RBFOX1: variants seen among roughly 807,000 people sequenced by gnomAD.
RBFOX1 encodes RNA binding protein fox-1 homolog 1.
Under a neutral mutation model 57.7 loss-of-function variants are expected in RBFOX1, and 8 were observed. The observed-to-expected ratio is 0.14, with a 90% CI of 0.08 to 0.25. The LOEUF (loss-of-function observed/expected upper bound fraction) is 0.25, where lower values mean the gene tolerates loss of function less well. Among genes scored for constraint, RBFOX1 ranks in the 10% least tolerant of loss-of-function variants. RBFOX1 has a pLI of 1.00. For synonymous variants in RBFOX1, 326 were observed against 222.4 expected (o/e 1.47, Z -4.15); for missense variants, 611 against 548.5 (o/e 1.11, Z -1.14).
chr16:5,740,073 A>G (rs1047632769), intron 3 of RBFOX1, among the ~76,000 whole-genome samples: 2 of 152,130 alleles, frequency 1.3e-5, no homozygotes, highest in Non-Finnish European at 2.9e-5. Context: ...CAGAAGCCCA[A>G]CGCTTGTTGG....
At chr16:7,254,266 C>G (rs887375392) in intron 4 of RBFOX1, among the ~76,000 whole-genome samples, 2 of 152,154 alleles carry the variant, frequency 1.3e-5, no homozygotes, top group Non-Finnish European at 2.9e-5. Flanking sequence ...ATAGTATTAA[C>G]CACTCCATAA....
At chr16:6,788,734 C>T in intron 3 of RBFOX1, among the ~76,000 whole-genome samples, 1 of 148,374 alleles carries the variant, frequency 6.7e-6, no homozygotes, top group African/African-American at 2.6e-5. Flanking sequence ...CTCGGCCTCC[C>T]AGAGTGCTGG....
chr16:5,444,541 C>T (rs1293268571), intron 1 of RBFOX1, among the ~76,000 whole-genome samples: 2 of 152,158 alleles, frequency 1.3e-5, no homozygotes, highest in Non-Finnish European at 2.9e-5. Flanking sequence ...GATTGCGCCA[C>T]CGATCGGCTG....
Position 6,970,283 on chromosome 16 carries a change from C to T in RBFOX1, c.-15-81774C>T, listed in dbSNP as rs76571755. On this transcript the variant is annotated intron_variant, in intron 3 of 15. Coordinates refer to ENST00000550418, the MANE Select transcript of RBFOX1 (RefSeq NM_018723.4). ...AAGAAGGCAGGGTACTTTCAATGAC[C>T]CAACAACATCATCACCTAGACTATT... Among the ~76,000 whole-genome samples the T allele has an allele frequency of 5.8e-3, 888 of 152,132 alleles. 3 individuals are homozygous for T. Among genetic ancestry groups the T allele is most frequent in the African/African-American group, 0.02 (825 of 41,494 alleles).
intron 2 of RBFOX1, among the ~76,000 whole-genome samples, chr16:6,636,465 C>A (rs370962661): frequency 2.0e-5 from 3 of 151,932 alleles, no homozygotes; most frequent in Non-Finnish European, 4.4e-5. Flanking sequence ...CCACCGCACC[C>A]GGCTGGATTT....
chr16:6,324,092 A>C (rs1861185), intron 2 of RBFOX1, among the ~76,000 whole-genome samples: 58,212 of 151,560 alleles, frequency 0.38, 11,676 homozygotes, highest in East Asian at 0.6. Flanking sequence ...CTTTTAGCGT[A>C]ACCATCACCT....
At chr16:7,374,071 C>A (rs1417632044) in intron 4 of RBFOX1, among the ~76,000 whole-genome samples, 1 of 152,062 alleles carries the variant, frequency 6.6e-6, no homozygotes, top group African/African-American at 2.4e-5. Flanking sequence ...GCAGATAGAC[C>A]CAGATACAGC....
intron 10 of RBFOX1, among the ~76,000 whole-genome samples, chr16:7,625,015 G>A (rs967541916): frequency 3.9e-5 from 6 of 152,140 alleles, no homozygotes; most frequent in African/African-American, 1.2e-4. Flanking sequence ...GAGAAACCTT[G>A]TGTGTGGCAG....
intron 3 of RBFOX1, among the ~76,000 whole-genome samples, chr16:6,688,351 A>G (rs542846910): frequency 5.7e-4 from 87 of 152,312 alleles, no homozygotes; most frequent in South Asian, 1.5e-3. Context: ...CCCATGATTC[A>G]ATCACCTCTC....
At position 6,440,126 on chromosome 16, in the gene RBFOX1, G is replaced by A. The variant is rs150962530; in HGVS notation, c.-64+123069G>A. ...TAATTTTTGTATTTTTAGTAGAGACGGGGCTTCACCATGTTGGCCAGGCTG... is the reference window on the plus strand; with the variant it reads ...TAATTTTTGTATTTTTAGTAGAGACAGGGCTTCACCATGTTGGCCAGGCTG... On this transcript the variant is annotated intron_variant, in intron 2 of 15. Transcript: ENST00000550418. 5.7e-3 allele frequency among the ~76,000 whole-genome samples: 868 copies of A among 151,802 alleles called. 28 individuals carry two copies. In the East Asian group the frequency reaches 0.12, roughly 21 times the overall value.
intron 4 of RBFOX1, among the ~76,000 whole-genome samples, chr16:7,514,337 G>A (rs971366698): frequency 6.6e-6 from 1 of 152,150 alleles, no homozygotes; most frequent in Non-Finnish European, 1.5e-5. Flanking sequence ...CCTGCTGCCA[G>A]ACTAGGCTTT....
chr16:5,837,301 C>G (rs888420684), intron 3 of RBFOX1, among the ~76,000 whole-genome samples: 3 of 152,100 alleles, frequency 2.0e-5, no homozygotes, highest in African/African-American at 7.2e-5. Context: ...CTGAAACACC[C>G]TCACAGATAC....
rs1010883760 is a variant in RBFOX1 at position 6,958,749 on chromosome 16, T to C, written c.-15-93308T>C. On this transcript the variant is annotated intron_variant, in intron 3 of 15. Transcript: ENST00000550418. ...GCCGCTTCAGAAATCTTTTATCATA[T>C]GCTTAAAAATTTATGGGCAGAAACA... Among the ~76,000 whole-genome samples, 5 of 152,166 alleles carry C rather than the reference T, an allele frequency of 3.3e-5. No homozygotes were observed. In the South Asian group the frequency reaches 1.0e-3, roughly 31 times the overall value.
intron 3 of RBFOX1, among the ~76,000 whole-genome samples, chr16:5,856,340 TA>T (rs2057056669): frequency 7.6e-6 from 1 of 131,674 alleles, no homozygotes; most frequent in Non-Finnish European, 1.6e-5. Context: ...TTATATTATA[TA>T]TATATATATA....
chr16:6,656,012 A>G (rs997310227), intron 3 of RBFOX1, among the ~76,000 whole-genome samples: 1 of 152,212 alleles, frequency 6.6e-6, no homozygotes, highest in Non-Finnish European at 1.5e-5. Flanking sequence ...GCGTGATCCC[A>G]GCTTGCAGTT....
At chr16:5,575,898 A>C (rs2046436210) in intron 2 of RBFOX1, among the ~76,000 whole-genome samples, 1 of 151,882 alleles carries the variant, frequency 6.6e-6, no homozygotes, top group South Asian at 2.1e-4. Flanking sequence ...GTTTGCAGCA[A>C]ATGGGTCACG....
intron 3 of RBFOX1, among the ~76,000 whole-genome samples, chr16:5,840,524 A>G (rs577769976): frequency 6.6e-6 from 1 of 152,282 alleles, no homozygotes; most frequent in South Asian, 2.1e-4. Flanking sequence ...CCAGGAACAC[A>G]GCTCCCCCAC....
At position 6,776,975 on chromosome 16, in the gene RBFOX1, G is replaced by A. The variant is rs973554844; in HGVS notation, c.-16+122325G>A. Among the ~76,000 whole-genome samples the A allele has an allele frequency of 7.9e-5, 12 of 152,234 alleles. No homozygotes were observed. In the East Asian group the frequency reaches 1.5e-3, roughly 20 times the overall value. On this transcript the variant is annotated intron_variant, in intron 3 of 15. Coordinates refer to ENST00000550418, the MANE Select transcript of RBFOX1 (RefSeq NM_018723.4). Reference sequence around the variant, plus strand: ...ATCTGAGAGGTTGAAATTTATTTACGTGATTTTGATGCAGTTGTAATTAAA... The same window carrying A: ...ATCTGAGAGGTTGAAATTTATTTACATGATTTTGATGCAGTTGTAATTAAA...
At chr16:7,234,608 G>GTATA (rs1315291730) in intron 4 of RBFOX1, among the ~76,000 whole-genome samples, 1 of 149,408 alleles carries the variant, frequency 6.7e-6, no homozygotes, top group Non-Finnish European at 1.5e-5. Context: ...GTGTGTGTGT[G>GTATA]TATATATATG....
Sources: allele counts gnomAD v4.1 joint callset (sites outside exome capture counted in the v4.1 genomes callset), GRCh38; gene constraint gnomAD v4.1.1; transcripts MANE v1.5; gene names NCBI Gene and HGNC (gene_info 2026-07-23, HGNC 2026-07-21).